Variants in FHL5 observed in about 807,000 individuals in gnomAD.
FHL5 encodes the protein four and a half LIM domains protein 5.
In FHL5, 33 loss-of-function variants were observed where a neutral mutation model predicts 32.0. That is an observed-to-expected ratio of 1.03 (90% CI 0.78 to 1.38). The LOEUF (loss-of-function observed/expected upper bound fraction) is 1.38, where lower values mean the gene tolerates loss of function less well. FHL5 is among the 40% of genes most tolerant of loss of function. The pLI, the probability that FHL5 is intolerant of heterozygous loss-of-function variation, is 0.00. For synonymous variants in FHL5, 114 were observed against 113.6 expected (o/e 1.00, Z -0.02); for missense variants, 336 against 343.9 (o/e 0.98, Z 0.18).
intron 1 of FHL5, among the ~76,000 whole-genome samples, chr6:96,584,462 T>TC: frequency 7.9e-6 from 1 of 126,060 alleles, no homozygotes; most frequent in African/African-American, 3.4e-5. Flanking sequence ...TGTGTGTGTT[T>TC]GTGTGTGTGT....
intron 1 of FHL5, among the ~76,000 whole-genome samples, chr6:96,574,994 C>G (rs1436327835): frequency 1.3e-5 from 2 of 152,116 alleles, no homozygotes; most frequent in Admixed American, 1.3e-4. Context: ...TTCGAAAACA[C>G]TTAAAATAAC....
chr6:96,597,781 C>T (rs138869825), intron 1 of FHL5, among the ~76,000 whole-genome samples: 94 of 152,248 alleles, frequency 6.2e-4, no homozygotes, highest in African/African-American at 2.0e-3. Context: ...CATCTAAATG[C>T]CCTTCTCCAC....
chr6:96,572,792 A>T (rs1385031576), intron 1 of FHL5, among the ~76,000 whole-genome samples: 1 of 152,180 alleles, frequency 6.6e-6, no homozygotes, highest in African/African-American at 2.4e-5. Flanking sequence ...CCTCCTCACC[A>T]TAAGAAGTTC....
At chr6:96,572,736 T>G (rs1294017950) in intron 1 of FHL5, among the ~76,000 whole-genome samples, 1 of 152,200 alleles carries the variant, frequency 6.6e-6, no homozygotes, top group Admixed American at 6.5e-5. Context: ...GGAAGGTCTG[T>G]TGGTGTCCAG....
At chr6:96,602,556 T>C (rs1037086968) in intron 1 of FHL5, among the ~76,000 whole-genome samples, 5 of 147,568 alleles carry the variant, frequency 3.4e-5, no homozygotes, top group Admixed American at 2.1e-4. Flanking sequence ...ACGCCATTCT[T>C]CTGCCTCAGC....
In FHL5 at chr6:96,610,584, G is replaced by T. The variant is rs143871011; in HGVS notation, c.517G>T (p.Gly173Cys). 6.2e-7 allele frequency: 1 copy of T among 1,613,608 alleles called. No individual in the cohort carries two copies. The highest frequency in any genetic ancestry group is 8.5e-7 in the Non-Finnish European group (1 of 1,179,652). Residue 173 changes from glycine to cysteine, a missense_variant, in exon 5 of 6, where the codon GGT (glycine) becomes TGT (cysteine). Coordinates refer to ENST00000450218, the MANE Select transcript of FHL5 (RefSeq NM_001322466.2). ...TGGTCTTTGGCAGGTGATAACTTCA[G>T]GTGGGATAACATTTTGTGACCAGCT... The part of the protein sequence containing the change: ...CNFCKKVITS[G>C]GITFCDQLWH...
At chr6:96,614,420 T>A (rs1371013779) in intron 5 of FHL5, among the ~76,000 whole-genome samples, 1 of 152,182 alleles carries the variant, frequency 6.6e-6, no homozygotes, top group Non-Finnish European at 1.5e-5. Context: ...TCAAGGAAAG[T>A]AGAGAAATTT....
At chr6:96,599,145 G>T (rs575898359) in intron 1 of FHL5, among the ~76,000 whole-genome samples, 53 of 146,560 alleles carry the variant, frequency 3.6e-4, no homozygotes, top group Non-Finnish European at 6.9e-4. Flanking sequence ...TAGCACCTAA[G>T]AAATAACATT....
chr6:96,590,932 C>A (rs1373233072), intron 1 of FHL5, among the ~76,000 whole-genome samples: 5 of 152,080 alleles, frequency 3.3e-5, no homozygotes, highest in African/African-American at 1.2e-4. Context: ...AAAATGAAAT[C>A]AACTTGATCA....
chr6:96,568,922 T>A (rs2127958267), intron 1 of FHL5, among the ~76,000 whole-genome samples: 1 of 152,042 alleles, frequency 6.6e-6, no homozygotes, highest in Non-Finnish European at 1.5e-5. Flanking sequence ...TCCATTTTGT[T>A]GATATTTTGT....
chr6:96,613,320 T>G (rs1284213546), intron 5 of FHL5, among the ~76,000 whole-genome samples: 1 of 152,220 alleles, frequency 6.6e-6, no homozygotes, highest in Non-Finnish European at 1.5e-5. Flanking sequence ...ACCCATCACA[T>G]TGAACTGCTT....
At position 96,606,088 on chromosome 6, in the gene FHL5, G is replaced by T. The variant is rs750919450; in HGVS notation, c.504+17G>T. 3.1e-6 allele frequency: 5 copies of T among 1,607,560 alleles called. No individual in the cohort carries two copies. In the African/African-American group the frequency reaches 6.7e-5, roughly 22 times the overall value. ...TGTAAGAAGGTAATTTTCTAAAGAG[G>T]GTGAAGCTTGTGGAAACTCAGACTA... is the stretch of plus-strand genomic sequence containing the variant. On this transcript the variant is annotated intron_variant, in intron 4 of 5. Transcript: ENST00000450218.
rs17056754 is a variant in FHL5, at chr6:96,602,299, T to C, written c.-12-1303T>C. ...TAGAAAATATTCAAAGCTCCTAATA[T>C]ATTCCAGTAAACCCTGAGATGACAA... On this transcript the variant is annotated intron_variant, in intron 1 of 5. Coordinates refer to ENST00000450218, the MANE Select transcript of FHL5 (RefSeq NM_001322466.2). Among the ~76,000 whole-genome samples the C allele has an allele frequency of 3.6e-3, 541 of 152,108 alleles. 2 individuals carry two copies. The highest frequency in any genetic ancestry group is 0.013 in the African/African-American group (528 of 41,518).
chr6:96,593,705 T>C (rs1354992332), intron 1 of FHL5, among the ~76,000 whole-genome samples: 2 of 152,146 alleles, frequency 1.3e-5, no homozygotes, highest in African/African-American at 2.4e-5. Flanking sequence ...CTATTCATTT[T>C]ATCTTTTTGG....
intron 1 of FHL5, among the ~76,000 whole-genome samples, chr6:96,595,275 A>G (rs559311673): frequency 1.3e-5 from 2 of 151,840 alleles, no homozygotes; most frequent in Admixed American, 1.3e-4. Flanking sequence ...ATTTTCTCTT[A>G]GCATTATTTC....
At chr6:96,609,096 C>T (rs189748644) in intron 4 of FHL5, among the ~76,000 whole-genome samples, 11 of 152,108 alleles carry the variant, frequency 7.2e-5, no homozygotes, top group Non-Finnish European at 1.6e-4. Flanking sequence ...GAATAGTATG[C>T]TTTTTTCCCT....
chr6:96,568,314 T>A (rs144391861), intron 1 of FHL5, among the ~76,000 whole-genome samples: 5 of 151,790 alleles, frequency 3.3e-5, no homozygotes, highest in Non-Finnish European at 7.4e-5. Flanking sequence ...AGGTAAATCT[T>A]ACCTACATGG....
intron 1 of FHL5, among the ~76,000 whole-genome samples, chr6:96,601,102 G>A (rs765289724): frequency 7.1e-4 from 108 of 152,186 alleles, no homozygotes; most frequent in Non-Finnish European, 7.1e-4. Flanking sequence ...TCGGGAGGCC[G>A]AGGTGAGCGG....
upstream of FHL5, chr6:96,562,821 T>C (rs540886538): frequency 6.6e-6 from 1 of 152,202 alleles, no homozygotes; most frequent in South Asian, 2.1e-4. Flanking sequence ...ATTTCTAACC[T>C]AAAAGAAGGG....
Sources: gnomAD v4.1 joint callset for allele counts (sites outside exome capture counted in the v4.1 genomes callset) on GRCh38, gnomAD v4.1.1 for gene constraint, MANE v1.5 for transcripts, NCBI Gene and HGNC (gene_info 2026-07-23, HGNC 2026-07-21) for gene names.